Variants in LRMDA observed in about 807,000 individuals in gnomAD.
The protein encoded by LRMDA is leucine rich melanocyte differentiation associated, also known as leucine-rich melanocyte differentiation-associated protein.
LRMDA carries 18 observed loss-of-function variants against 29.8 expected under a neutral mutation model. The observed-to-expected ratio is 0.60, with a 90% CI of 0.42 to 0.90. LRMDA has a LOEUF of 0.90. LRMDA is among the 40% of genes least tolerant of loss of function. LRMDA has a pLI of 0.00. For synonymous variants in LRMDA, 125 were observed against 109.4 expected (o/e 1.14, Z -0.89); for missense variants, 273 against 273.9 (o/e 1.00, Z 0.02).
chr10:76,392,851 C>G (rs1564528872), intron 6 of LRMDA, among the ~76,000 whole-genome samples: 1 of 152,068 alleles, frequency 6.6e-6, no homozygotes, highest in South Asian at 2.1e-4. Flanking sequence ...TACTTATACT[C>G]CCAGCAGTCC....
chr10:75,842,001 T>C (rs1844548712), intron 2 of LRMDA, among the ~76,000 whole-genome samples: 2 of 152,220 alleles, frequency 1.3e-5, no homozygotes, highest in Admixed American at 6.5e-5. Context: ...TCCTCAGTTA[T>C]TTAGATATCC....
intron 2 of LRMDA, among the ~76,000 whole-genome samples, chr10:75,939,320 G>T (rs950982997): frequency 3.3e-5 from 5 of 152,052 alleles, no homozygotes; most frequent in African/African-American, 1.2e-4. Flanking sequence ...CCCCATATTT[G>T]GGGACACATA....
intron 5 of LRMDA, 151 bp downstream of exon 5, chr10:76,058,934 T>G: frequency 1.5e-6 from 1 of 662,668 alleles, no homozygotes; most frequent in Non-Finnish European, 2.7e-6. Context: ...TGGCCAAACA[T>G]GAAATAGGGT....
chr10:76,504,818 T>C (rs1842943858), intron 6 of LRMDA, among the ~76,000 whole-genome samples: 1 of 152,102 alleles, frequency 6.6e-6, no homozygotes, highest in Non-Finnish European at 1.5e-5. Context: ...ATTATTGATA[T>C]CTGAGATTTT....
chr10:76,238,825 C>T (rs562861804), intron 5 of LRMDA, among the ~76,000 whole-genome samples: 2 of 151,448 alleles, frequency 1.3e-5, no homozygotes, highest in East Asian at 3.9e-4. Context: ...ATCACATATC[C>T]CATAAAGAAG....
chr10:75,654,680 C>T (rs1383306609), intron 2 of LRMDA, among the ~76,000 whole-genome samples: 3 of 152,172 alleles, frequency 2.0e-5, no homozygotes, highest in African/African-American at 4.8e-5. Context: ...CAGATGTGAA[C>T]ACCAGCATCA....
chr10:76,225,564 G>T (rs1161027898), intron 5 of LRMDA, among the ~76,000 whole-genome samples: 1 of 151,998 alleles, frequency 6.6e-6, no homozygotes, highest in Non-Finnish European at 1.5e-5. Context: ...ACAGCTGGTT[G>T]TTAAAAAGAG....
chr10:75,685,900 T>C (rs1456003421), intron 2 of LRMDA, among the ~76,000 whole-genome samples: 1 of 152,228 alleles, frequency 6.6e-6, no homozygotes, highest in Non-Finnish European at 1.5e-5. Flanking sequence ...CTTGACTATA[T>C]GCCAGCTACA....
chr10:76,103,625 C>CT, intron 5 of LRMDA, among the ~76,000 whole-genome samples: 1 of 152,274 alleles, frequency 6.6e-6, no homozygotes, highest in African/African-American at 2.4e-5. Flanking sequence ...AAATTCAAGC[C>CT]TTTTTCCCAG....
chr10:76,249,037 C>T (rs1195872740), intron 5 of LRMDA, among the ~76,000 whole-genome samples: 2 of 152,144 alleles, frequency 1.3e-5, no homozygotes, highest in African/African-American at 2.4e-5. Context: ...TTGTTTTTCT[C>T]CCTGAAAATT....
At chr10:76,078,824 G>T (rs1849005023) in intron 5 of LRMDA, among the ~76,000 whole-genome samples, 1 of 152,148 alleles carries the variant, frequency 6.6e-6, no homozygotes, top group African/African-American at 2.4e-5. Flanking sequence ...GACAGAGCGA[G>T]ATTCTGTCTC....
intron 6 of LRMDA, among the ~76,000 whole-genome samples, chr10:76,458,394 T>C (rs1245727283): frequency 1.3e-5 from 2 of 152,252 alleles, no homozygotes; most frequent in African/African-American, 2.4e-5. Context: ...TTTAGATGAA[T>C]ATAAAATGGC....
chr10:75,608,110 GTATATA>G lies in LRMDA; in HGVS notation c.131+169631_131+169636del, dbSNP rs10605160. ...GACTGGATCAAAAATTGTAGTGTGT[GTATATA>G]TATATATATATATACACACACATAC... is the stretch of plus-strand genomic sequence containing the variant. On this transcript the variant is annotated intron_variant, in intron 2 of 6. Transcript: ENST00000611255. Among the ~76,000 whole-genome samples the G allele has an allele frequency of 2.7e-3, 272 of 101,398 alleles. 4 individuals carry two copies. Among genetic ancestry groups the G allele is most frequent in the African/African-American group, 7.3e-3 (258 of 35,250 alleles). The allele number at this position is 101,398 out of a possible 152,430, so 66.5% of individuals were successfully genotyped here.
intron 2 of LRMDA, among the ~76,000 whole-genome samples, chr10:75,469,324 A>G (rs561217758): frequency 7.4e-6 from 1 of 134,340 alleles, no homozygotes; most frequent in Admixed American, 7.3e-5. Context: ...AGCATCACCA[A>G]TTGAAATGCC....
intron 6 of LRMDA, among the ~76,000 whole-genome samples, chr10:76,484,079 C>T (rs1842758291): frequency 6.6e-6 from 1 of 151,722 alleles, no homozygotes; most frequent in African/African-American, 2.4e-5. Context: ...GCTCTTCCTC[C>T]TTCTTTTCCC....
At chr10:76,428,930 C>A (rs1323128334) in intron 6 of LRMDA, among the ~76,000 whole-genome samples, 1 of 151,948 alleles carries the variant, frequency 6.6e-6, no homozygotes, top group Non-Finnish European at 1.5e-5. Context: ...AATTTGTATC[C>A]ATTTGCCTTT....
At chr10:76,411,268 C>T (rs770179383) in intron 6 of LRMDA, among the ~76,000 whole-genome samples, 7 of 152,126 alleles carry the variant, frequency 4.6e-5, no homozygotes, top group South Asian at 2.1e-4. Flanking sequence ...GTTGGAGATG[C>T]GTAAAGGGCA....
At chr10:76,478,430 G>A (rs750524035) in intron 6 of LRMDA, among the ~76,000 whole-genome samples, 1 of 152,062 alleles carries the variant, frequency 6.6e-6, no homozygotes, top group Non-Finnish European at 1.5e-5. Context: ...GAAATAGGAA[G>A]AGTTTTACAC....
At chr10:76,236,543 A>G (rs1852155226) in intron 5 of LRMDA, among the ~76,000 whole-genome samples, 1 of 152,188 alleles carries the variant, frequency 6.6e-6, no homozygotes. Flanking sequence ...CTCTTTAACC[A>G]ATCAATGGTC....
Sources: gnomAD v4.1 joint callset for allele counts (sites outside exome capture counted in the v4.1 genomes callset) on GRCh38, gnomAD v4.1.1 for gene constraint, MANE v1.5 for transcripts, NCBI Gene and HGNC (gene_info 2026-07-23, HGNC 2026-07-21) for gene names.